KCNQ5: variants seen among roughly 807,000 people sequenced by gnomAD.
The protein encoded by KCNQ5 is potassium voltage-gated channel subfamily Q member 5.
KCNQ5 carries 30 observed loss-of-function variants against 98.2 expected under a neutral mutation model. That is an observed-to-expected ratio of 0.31 (90% CI 0.23 to 0.41). The LOEUF (loss-of-function observed/expected upper bound fraction) is 0.41, where lower values mean the gene tolerates loss of function less well. KCNQ5 is among the 10% of genes least tolerant of loss of function. The pLI, the probability that KCNQ5 is intolerant of heterozygous loss-of-function variation, is 1.00. For missense variants in KCNQ5, 835 were observed against 1,182.5 expected (o/e 0.71, Z 4.31); for synonymous variants, 458 against 449.4 (o/e 1.02, Z -0.24).
At chr6:72,646,280 G>A (rs551668053) in intron 1 of KCNQ5, among the ~76,000 whole-genome samples, 50 of 151,394 alleles carry the variant, frequency 3.3e-4, no homozygotes, top group Non-Finnish European at 5.4e-4. Context: ...ATGAAACTGT[G>A]AAAAATACAT....
At chr6:72,985,047 T>C (rs1217720158) in intron 1 of KCNQ5, among the ~76,000 whole-genome samples, 2 of 152,020 alleles carry the variant, frequency 1.3e-5, no homozygotes, top group African/African-American at 4.8e-5. Context: ...TACAAAAATT[T>C]TTGTCTAAAT....
intron 1 of KCNQ5, among the ~76,000 whole-genome samples, chr6:72,769,063 C>CT (rs970360652): frequency 6.6e-6 from 1 of 152,182 alleles, no homozygotes; most frequent in Non-Finnish European, 1.5e-5. Flanking sequence ...TAGTACTCTC[C>CT]TTTCCTCAGA....
intron 1 of KCNQ5, among the ~76,000 whole-genome samples, chr6:72,835,647 A>G (rs921093112): frequency 1.3e-4 from 20 of 152,258 alleles, no homozygotes; most frequent in African/African-American, 4.1e-4. Flanking sequence ...TCCTCATTTT[A>G]TCTTTGCAAC....
At chr6:73,057,599 G>C (rs1772580321) in intron 3 of KCNQ5, among the ~76,000 whole-genome samples, 1 of 152,110 alleles carries the variant, frequency 6.6e-6, no homozygotes, top group East Asian at 1.9e-4. Flanking sequence ...AAAGTAATCT[G>C]AGATGATATA....
chr6:72,858,481 T>A (rs766313844), intron 1 of KCNQ5, among the ~76,000 whole-genome samples: 3 of 151,714 alleles, frequency 2.0e-5, no homozygotes, highest in Non-Finnish European at 1.5e-5. Context: ...CATATTTATA[T>A]ATATTTATAT....
chr6:73,001,724 T>A (rs1359537541), intron 1 of KCNQ5, among the ~76,000 whole-genome samples: 1 of 152,170 alleles, frequency 6.6e-6, no homozygotes, highest in Non-Finnish European at 1.5e-5. Flanking sequence ...GTATTTTACT[T>A]TCTCATTTAT....
intron 1 of KCNQ5, among the ~76,000 whole-genome samples, chr6:72,744,533 A>AGAAAAAG (rs1168741613): frequency 1.3e-5 from 2 of 152,184 alleles, no homozygotes; most frequent in African/African-American, 2.4e-5. Flanking sequence ...TAAGAGGGCC[A>AGAAAAAG]GGCACGGTGG....
chr6:72,629,340 C>A (rs2098919595), intron 1 of KCNQ5, among the ~76,000 whole-genome samples: 1 of 152,138 alleles, frequency 6.6e-6, no homozygotes, highest in South Asian at 2.1e-4. Context: ...TCTACAGAGG[C>A]CTTGTAGAAG....
intron 1 of KCNQ5, among the ~76,000 whole-genome samples, chr6:72,691,102 T>G (rs1001108721): frequency 1.7e-4 from 26 of 152,292 alleles, no homozygotes; most frequent in African/African-American, 5.8e-4. Flanking sequence ...AATCAGTAAA[T>G]TCAAAAGGAG....
At chr6:73,065,448 G>T (rs1773004569) in intron 3 of KCNQ5, among the ~76,000 whole-genome samples, 1 of 152,124 alleles carries the variant, frequency 6.6e-6, no homozygotes, top group South Asian at 2.1e-4. Context: ...CACAGCAGTG[G>T]CTTCTTACCT....
intron 9 of KCNQ5, among the ~76,000 whole-genome samples, chr6:73,127,095 A>T (rs1165700083): frequency 6.6e-6 from 1 of 152,244 alleles, no homozygotes; most frequent in African/African-American, 2.4e-5. Flanking sequence ...CAGAAAGGCT[A>T]TTGTAATAAC....
chr6:73,098,972 T>C (rs997199111), intron 5 of KCNQ5, among the ~76,000 whole-genome samples: 3 of 151,896 alleles, frequency 2.0e-5, no homozygotes, highest in African/African-American at 7.2e-5. Context: ...TAAGATAAAG[T>C]AGAAACAACA....
intron 1 of KCNQ5, among the ~76,000 whole-genome samples, chr6:72,731,872 TG>T (rs555624676): frequency 8.7e-4 from 132 of 152,188 alleles, no homozygotes; most frequent in Admixed American, 1.7e-3. Context: ...TGTTGAGAAG[TG>T]AGAAGGAAAA....
chr6:73,101,814 C>A (rs759707036), intron 5 of KCNQ5, among the ~76,000 whole-genome samples: 3 of 152,120 alleles, frequency 2.0e-5, no homozygotes, highest in Non-Finnish European at 4.4e-5. Flanking sequence ...GTTAAAATTT[C>A]CATATTTCTC....
chr6:72,690,635 T>C (rs1768168421), intron 1 of KCNQ5, among the ~76,000 whole-genome samples: 1 of 152,046 alleles, frequency 6.6e-6, no homozygotes, highest in Non-Finnish European at 1.5e-5. Context: ...TAAAGGCTGC[T>C]GCTGCTGTCA....
chr6:72,757,825 T>G (rs914374015), intron 1 of KCNQ5, among the ~76,000 whole-genome samples: 2 of 152,166 alleles, frequency 1.3e-5, no homozygotes, highest in Admixed American at 1.3e-4. Flanking sequence ...TAAATTCATT[T>G]CTAAGAACAG....
intron 3 of KCNQ5, among the ~76,000 whole-genome samples, chr6:73,058,089 A>T (rs1257899097): frequency 3.3e-5 from 5 of 152,340 alleles, no homozygotes; most frequent in African/African-American, 1.2e-4. Flanking sequence ...TACAAAAATC[A>T]ACTCAAGATG....
At position 72,978,904 on chromosome 6, in the gene KCNQ5, G is replaced by A. The variant is rs562440498; in HGVS notation, c.399-25004G>A. On this transcript the variant is annotated intron_variant, in intron 1 of 13. Coordinates refer to ENST00000370398, the MANE Select transcript of KCNQ5 (RefSeq NM_019842.4). ...CAAGTGTTCTCATTGTTCAGTTCCC[G>A]CCTGTGAGTGAGAACATGCAGTGTT... Among the ~76,000 whole-genome samples, 11 of 151,954 alleles carry A rather than the reference G, an allele frequency of 7.2e-5. No homozygotes were observed. In the South Asian group the frequency reaches 8.3e-4, roughly 11 times the overall value.
rs572204475 is a variant in KCNQ5 at position 72,738,762 on chromosome 6, C to T, written c.398+116175C>T. On this transcript the variant is annotated intron_variant, in intron 1 of 13. Coordinates refer to ENST00000370398, the MANE Select transcript of KCNQ5 (RefSeq NM_019842.4). ...CACATCGTGAAAAGACATGGAGGAA[C>T]GTTCAATGCATATTACTAAGTGAAA... is the stretch of plus-strand genomic sequence containing the variant. 4.6e-4 allele frequency among the ~76,000 whole-genome samples: 70 copies of T among 152,116 alleles called. 1 individual carries two copies. Among genetic ancestry groups the T allele is most frequent in the African/African-American group, 1.3e-3 (55 of 41,498 alleles).
Sources: gnomAD v4.1 joint callset for allele counts (sites outside exome capture counted in the v4.1 genomes callset) on GRCh38, gnomAD v4.1.1 for gene constraint, MANE v1.5 for transcripts, NCBI Gene and HGNC (gene_info 2026-07-23, HGNC 2026-07-21) for gene names.